ERC2: variants seen among roughly 807,000 people sequenced by gnomAD.
ERC2 encodes ERC protein 2.
A neutral mutation model predicts 114.8 loss-of-function variants in ERC2; 42 were observed. The ratio of observed to expected loss-of-function variants is 0.37; its 90% CI spans 0.29 to 0.47. ERC2 has a LOEUF of 0.47. Among genes scored for constraint, ERC2 ranks in the 20% least tolerant of loss-of-function variants. The probability of loss-of-function intolerance (pLI) is 0.99; values close to 1 mark genes in which losing one functional copy is unlikely to be tolerated. For synonymous variants in ERC2, 454 were observed against 425.5 expected (o/e 1.07, Z -0.82); for missense variants, 939 against 1,150.7 (o/e 0.82, Z 2.66).
chr3:55,832,872 C>A (rs371970341), intron 14 of ERC2, among the ~76,000 whole-genome samples: 1 of 151,980 alleles, frequency 6.6e-6, no homozygotes, highest in Non-Finnish European at 1.5e-5. Flanking sequence ...ACAATTTAGA[C>A]GAATGTATAA....
chr3:55,997,917 T>TGG (rs2071702691), intron 10 of ERC2, among the ~76,000 whole-genome samples: 1 of 43,738 alleles, frequency 2.3e-5, no homozygotes, highest in African/African-American at 9.9e-5. Context: ...TGTGTGTGTG[T>TGG]GTGTGTTTTT....
intron 17 of ERC2, among the ~76,000 whole-genome samples, chr3:55,613,506 CT>C (rs986602584): frequency 6.6e-6 from 1 of 152,142 alleles, no homozygotes; most frequent in Non-Finnish European, 1.5e-5. Flanking sequence ...AGGTAATTTT[CT>C]TTTAGGTGGG....
intron 7 of ERC2, among the ~76,000 whole-genome samples, chr3:56,050,508 C>T (rs942977956): frequency 1.3e-5 from 2 of 152,146 alleles, no homozygotes; most frequent in African/African-American, 4.8e-5. Flanking sequence ...CTGCCTAATT[C>T]GCCAGCCTCC....
At chr3:56,180,723 T>G (rs183501270) in intron 3 of ERC2, among the ~76,000 whole-genome samples, 1 of 152,190 alleles carries the variant, frequency 6.6e-6, no homozygotes, top group East Asian at 1.9e-4. Context: ...TCCTAGAGAT[T>G]GGTTGTACAA....
chr3:55,808,739 AT>A (rs1559689606), intron 14 of ERC2, among the ~76,000 whole-genome samples: 1,643 of 92,698 alleles, frequency 0.018, 34 homozygotes, highest in East Asian at 0.03. Context: ...ATATATATAT[AT>A]ATAACGTATA....
chr3:56,383,451 A>G (rs1355207369), intron 2 of ERC2, among the ~76,000 whole-genome samples: 2 of 152,184 alleles, frequency 1.3e-5, no homozygotes. Context: ...TATTGTCTGT[A>G]TGCTCCACTA....
intron 7 of ERC2, among the ~76,000 whole-genome samples, chr3:56,070,164 G>A (rs1469906415): frequency 6.6e-6 from 1 of 152,108 alleles, no homozygotes; most frequent in African/African-American, 2.4e-5. Flanking sequence ...GAGTCCATTG[G>A]CAAACAAAAG....
rs140722921 is a variant in ERC2, at chr3:55,956,767, G to A, written c.2268-6207C>T. Reference sequence around the variant, plus strand: ...TGTTTGGCTACTAGTTTTGATCATGGTCAACTGCATAAGTCCTTGTCCAAG... The same window carrying A: ...TGTTTGGCTACTAGTTTTGATCATGATCAACTGCATAAGTCCTTGTCCAAG... On this transcript the variant is annotated intron_variant, in intron 12 of 17. Transcript: ENST00000288221. Among the ~76,000 whole-genome samples the A allele has an allele frequency of 3.0e-4, 46 of 152,220 alleles. No individual in the cohort carries two copies. In the East Asian group the frequency reaches 8.7e-3, roughly 29 times the overall value.
At chr3:55,558,863 T>C (rs575891633) in intron 17 of ERC2, among the ~76,000 whole-genome samples, 71 of 152,356 alleles carry the variant, frequency 4.7e-4, no homozygotes, top group African/African-American at 1.7e-3. Flanking sequence ...TGTCAAACTT[T>C]TGATCCATCA....
In ERC2 at chr3:56,222,580, CT is replaced by C. The variant is rs556106053; in HGVS notation, c.1075-49061del. Among the ~76,000 whole-genome samples the C allele has an allele frequency of 2.3e-4, 35 of 152,268 alleles. No homozygotes were observed. The East Asian group carries it at 6.2e-3, about 27-fold the overall frequency. On this transcript the variant is annotated intron_variant, in intron 3 of 17. Coordinates refer to ENST00000288221, the MANE Select transcript of ERC2 (RefSeq NM_015576.3). ...CTGCCCAAAATTTTCTGTCTTCCCC[CT>C]TTCTGAACCATCTACTCATAAGTAC...
intron 6 of ERC2, among the ~76,000 whole-genome samples, chr3:56,131,766 G>A (rs539295483): frequency 2.4e-4 from 36 of 152,248 alleles, no homozygotes; most frequent in African/African-American, 6.5e-4. Context: ...AAATTCTAGC[G>A]TTCTGTAGCA....
intron 17 of ERC2, among the ~76,000 whole-genome samples, chr3:55,667,750 A>G (rs1286239127): frequency 6.6e-6 from 1 of 152,234 alleles, no homozygotes; most frequent in Non-Finnish European, 1.5e-5. Flanking sequence ...TATTAGTTAC[A>G]TGTTAAAGAG....
chr3:55,664,363 A>G (rs1413074872), intron 17 of ERC2, among the ~76,000 whole-genome samples: 2 of 152,230 alleles, frequency 1.3e-5, no homozygotes, highest in Non-Finnish European at 2.9e-5. Flanking sequence ...AATGTAGATG[A>G]AAAGAGTAAG....
chr3:56,054,861 T>G (rs1461979616), intron 7 of ERC2, among the ~76,000 whole-genome samples: 1 of 152,218 alleles, frequency 6.6e-6, no homozygotes. Flanking sequence ...CCATTTTTAT[T>G]AAGTCATTCA....
intron 3 of ERC2, among the ~76,000 whole-genome samples, chr3:56,289,278 T>C (rs1364330094): frequency 2.0e-5 from 3 of 152,170 alleles, no homozygotes; most frequent in Non-Finnish European, 4.4e-5. Context: ...AGGTCCTGCC[T>C]ACAGGTGGAG....
intron 3 of ERC2, among the ~76,000 whole-genome samples, chr3:56,235,338 T>C (rs2050873101): frequency 6.6e-6 from 1 of 152,178 alleles, no homozygotes; most frequent in African/African-American, 2.4e-5. Flanking sequence ...ACAGTTGTAA[T>C]AGTGATATTT....
At chr3:56,276,474 A>AAAAAAAAAAAAAAAAAAAAAAAAAAC (rs1446116012) in intron 3 of ERC2, among the ~76,000 whole-genome samples, 1 of 147,004 alleles carries the variant, frequency 6.8e-6, no homozygotes. Context: ...AAAAAAAAAA[A>AAAAAAAAAAAAAAAAAAAAAAAAAAC]AAACAAACTC....
chr3:56,263,271 C>T (rs1259868433), intron 3 of ERC2, among the ~76,000 whole-genome samples: 1 of 148,242 alleles, frequency 6.7e-6, no homozygotes, highest in African/African-American at 2.5e-5. Context: ...CCATGAAGAG[C>T]AACAATTCAG....
At chr3:55,703,441 C>T (rs918089301) in intron 15 of ERC2, among the ~76,000 whole-genome samples, 1 of 152,228 alleles carries the variant, frequency 6.6e-6, no homozygotes, top group African/African-American at 2.4e-5. Context: ...CCAGAGACAA[C>T]TTTCCTAAGC....
Sources: gnomAD v4.1 joint callset for allele counts (sites outside exome capture counted in the v4.1 genomes callset) on GRCh38, gnomAD v4.1.1 for gene constraint, MANE v1.5 for transcripts, NCBI Gene and HGNC (gene_info 2026-07-23, HGNC 2026-07-21) for gene names.